CNTN4: variants seen among roughly 807,000 people sequenced by gnomAD.
CNTN4 encodes the protein contactin 4, also known as contactin-4.
CNTN4 carries 77 observed loss-of-function variants against 122.5 expected under a neutral mutation model. The observed-to-expected ratio is 0.63, with a 90% CI of 0.52 to 0.76. The LOEUF (loss-of-function observed/expected upper bound fraction) is 0.76, where lower values mean the gene tolerates loss of function less well. Ranked by LOEUF, CNTN4 falls within the 30% of genes least tolerant of loss-of-function variation. CNTN4 has a pLI of 0.00. For missense variants in CNTN4, 1,256 were observed against 1,259.1 expected, an observed-to-expected ratio of 1.00 and a Z score of 0.04; for synonymous variants, 512 against 447.0, an observed-to-expected ratio of 1.15 and a Z score of -1.83.
chr3:2,605,170 A>G (rs1289131328), intron 4 of CNTN4, among the ~76,000 whole-genome samples: 1 of 152,102 alleles, frequency 6.6e-6, no homozygotes, highest in Middle Eastern at 3.2e-3. Flanking sequence ...TGCCTGTCTA[A>G]TATTTTATTT....
chr3:2,380,288 A>G (rs1188707700), intron 3 of CNTN4, among the ~76,000 whole-genome samples: 2 of 152,242 alleles, frequency 1.3e-5, no homozygotes, highest in African/African-American at 4.8e-5. Context: ...CCTCAATGGT[A>G]ACATTAGGGT....
chr3:2,189,618 A>G (rs1357299485), intron 2 of CNTN4, among the ~76,000 whole-genome samples: 1 of 152,160 alleles, frequency 6.6e-6, no homozygotes, highest in Non-Finnish European at 1.5e-5. Context: ...TTGTCCCTGA[A>G]AAACAAAAAA....
chr3:2,254,939 T>G (rs190527021), intron 2 of CNTN4, among the ~76,000 whole-genome samples: 1 of 152,174 alleles, frequency 6.6e-6, no homozygotes, highest in Non-Finnish European at 1.5e-5. Context: ...GTTTTGGTGT[T>G]TTAGTCATGA....
chr3:2,902,496 C>G (rs1459247722), intron 11 of CNTN4, among the ~76,000 whole-genome samples: 1 of 152,154 alleles, frequency 6.6e-6, no homozygotes, highest in Admixed American at 6.6e-5. Context: ...TTTAAGCACT[C>G]TAAACAGTAA....
At chr3:2,161,599 T>G (rs979759786) in intron 2 of CNTN4, among the ~76,000 whole-genome samples, 2 of 152,148 alleles carry the variant, frequency 1.3e-5, no homozygotes, top group African/African-American at 2.4e-5. Context: ...GGAGTAAGAC[T>G]GGTCCATGAT....
At chr3:2,145,146 A>G (rs146597520) in intron 2 of CNTN4, among the ~76,000 whole-genome samples, 70 of 152,314 alleles carry the variant, frequency 4.6e-4, no homozygotes, top group African/African-American at 1.6e-3. Context: ...TCATTTGGAA[A>G]TATAGTAGCA....
At chr3:2,638,445 A>G (rs1008148930) in intron 4 of CNTN4, among the ~76,000 whole-genome samples, 4 of 152,274 alleles carry the variant, frequency 2.6e-5, no homozygotes, top group Admixed American at 2.0e-4. Flanking sequence ...TTATAAAGAA[A>G]GTTGCGGTTT....
intron 13 of CNTN4, among the ~76,000 whole-genome samples, chr3:2,969,295 T>C (rs1354581797): frequency 6.6e-6 from 1 of 152,158 alleles, no homozygotes; most frequent in East Asian, 1.9e-4. Context: ...TTTCCAGTTG[T>C]TGGAACAAAT....
At chr3:2,840,609 G>A (rs1359869192) in intron 7 of CNTN4, among the ~76,000 whole-genome samples, 1 of 121,520 alleles carries the variant, frequency 8.2e-6, no homozygotes, top group Non-Finnish European at 1.8e-5. Context: ...TGAGGCGGGA[G>A]AATGGCGGGA....
rs550613584 is a variant in CNTN4 at position 2,937,239 on chromosome 3, G to A, written c.1358+11460G>A. Among the ~76,000 whole-genome samples, 3 of 152,232 alleles carry A rather than the reference G, an allele frequency of 2.0e-5. No individual in the cohort carries two copies. In the East Asian group the frequency reaches 5.8e-4, roughly 29 times the overall value. On this transcript the variant is annotated intron_variant, in intron 13 of 24. Transcript: ENST00000418658. ...TGCAAAGCAAAGGGGAAGTGAATTT[G>A]GTGGGAGGTCCGAATTATCTCACTT...
intron 4 of CNTN4, among the ~76,000 whole-genome samples, chr3:2,673,713 T>C (rs1441059726): frequency 1.3e-5 from 2 of 152,042 alleles, no homozygotes; most frequent in East Asian, 3.9e-4. Flanking sequence ...GCTAATTTTT[T>C]TTGCATTTTT....
intron 3 of CNTN4, among the ~76,000 whole-genome samples, chr3:2,515,021 T>C (rs1036378093): frequency 6.6e-6 from 1 of 151,978 alleles, no homozygotes; most frequent in Non-Finnish European, 1.5e-5. Flanking sequence ...CCTCTCTCTC[T>C]TTTTCATCAG....
At chr3:2,522,304 AT>A (rs1260097559) in intron 3 of CNTN4, among the ~76,000 whole-genome samples, 1 of 152,114 alleles carries the variant, frequency 6.6e-6, no homozygotes. Flanking sequence ...TTGATGTAGT[AT>A]TTTAAAGTTA....
At chr3:2,433,008 A>C (rs535772643) in intron 3 of CNTN4, among the ~76,000 whole-genome samples, 4 of 151,836 alleles carry the variant, frequency 2.6e-5, no homozygotes, top group Non-Finnish European at 5.9e-5. Context: ...TGTTTAGTTA[A>C]GATGGGGTTT....
chr3:2,219,826 T>G (rs1049006538), intron 2 of CNTN4, among the ~76,000 whole-genome samples: 17 of 152,234 alleles, frequency 1.1e-4, no homozygotes, highest in Admixed American at 2.6e-4. Flanking sequence ...AGATGGCATT[T>G]TTTTCAGAAA....
intron 3 of CNTN4, among the ~76,000 whole-genome samples, chr3:2,551,737 A>G (rs930756366): frequency 6.6e-5 from 10 of 152,168 alleles, no homozygotes; most frequent in African/African-American, 2.2e-4. Flanking sequence ...TTTATCATCA[A>G]TGCTTTTATA....
At chr3:2,578,384 A>T (rs768919125) in intron 4 of CNTN4, among the ~76,000 whole-genome samples, 1 of 152,202 alleles carries the variant, frequency 6.6e-6, no homozygotes, top group Non-Finnish European at 1.5e-5. Flanking sequence ...ATTAAAGCTC[A>T]TGACCAACCC....
chr3:2,476,311 C>T (rs2075832893), intron 3 of CNTN4, among the ~76,000 whole-genome samples: 1 of 152,206 alleles, frequency 6.6e-6, no homozygotes. Flanking sequence ...AAGATTTTGG[C>T]GTTTCCACTG....
chr3:2,293,723 C>A (rs1257655726), intron 2 of CNTN4, among the ~76,000 whole-genome samples: 1 of 152,144 alleles, frequency 6.6e-6, no homozygotes, highest in Non-Finnish European at 1.5e-5. Context: ...TAAATGTTTT[C>A]ATTTTAGCAT....
Sources: gnomAD v4.1 joint callset for allele counts (sites outside exome capture counted in the v4.1 genomes callset) on GRCh38, gnomAD v4.1.1 for gene constraint, MANE v1.5 for transcripts, NCBI Gene and HGNC (gene_info 2026-07-23, HGNC 2026-07-21) for gene names.